The following SINHCAF variants were observed in gnomAD, a reference collection of about 807,000 sequenced individuals.
SINHCAF encodes the protein SIN3-HDAC complex associated factor.
SINHCAF carries 3 observed loss-of-function variants against 25.8 expected under a neutral mutation model. The observed-to-expected ratio is 0.12, with a 90% CI of 0.05 to 0.30. The LOEUF is 0.30. SINHCAF is among the 10% of genes least tolerant of loss of function. The pLI, the probability that SINHCAF is intolerant of heterozygous loss-of-function variation, is 1.00. For synonymous variants in SINHCAF, 70 were observed against 85.5 expected, an observed-to-expected ratio of 0.82 and a Z score of 1.00; for missense variants, 121 against 262.3, an observed-to-expected ratio of 0.46 and a Z score of 3.72.
chr12:31,289,043 G>C (rs1166715611), intron 4 of SINHCAF, among the ~76,000 whole-genome samples: 1 of 152,154 alleles, frequency 6.6e-6, no homozygotes, highest in African/African-American at 2.4e-5. Flanking sequence ...AACCACAGTG[G>C]ATGGGCTGAG....
At position 31,324,500 on chromosome 12, in the gene SINHCAF, A is replaced by G. The variant is rs567734385; in HGVS notation, c.-21+1524T>C. The stretch of plus-strand genomic sequence containing the variant: ...CCTACGCACCAGCATGGCACCTCGC[A>G]CAAGTAGCGCCGCCAAAGTTTCCCC... On this transcript the variant is annotated intron_variant, in intron 1 of 5. Transcript: ENST00000337682. The surrounding 1 kb of genome is among the most constrained non-coding windows in gnomAD (Gnocchi z 5.5). The G allele has an allele frequency of 3.6e-5, 6 of 165,820 alleles. No homozygotes were observed. The highest frequency in any genetic ancestry group is 2.9e-4 in the South Asian group (2 of 6,858). 10.3% of individuals were successfully genotyped at this position (165,820 alleles called of 1,614,324 possible). A position where few individuals can be genotyped will look rare whatever the true frequency, so the allele number is the denominator to read the frequency against.
rs763049760 is a variant in SINHCAF at position 31,287,622 on chromosome 12, T to C, written c.506+12A>G. The C allele has an allele frequency of 6.3e-7, 1 of 1,576,104 alleles. No homozygotes were observed. The highest frequency in any genetic ancestry group is 1.2e-5 in the South Asian group (1 of 85,714). On this transcript the variant is annotated intron_variant, in intron 5 of 5. Transcript: ENST00000337682. ...TGGTTTGCTGGTTAGAGAGATACTTTGTTTCTTTTACCTTTTCCAGTAAGT... is the reference window on the plus strand; with the variant it reads ...TGGTTTGCTGGTTAGAGAGATACTTCGTTTCTTTTACCTTTTCCAGTAAGT...
At chr12:31,291,153 A>C (rs1938295351) in intron 4 of SINHCAF, among the ~76,000 whole-genome samples, 2 of 152,202 alleles carry the variant, frequency 1.3e-5, no homozygotes, top group Admixed American at 1.3e-4. Flanking sequence ...CACTCCAGGA[A>C]CTGACTCAGC....
intron 1 of SINHCAF, among the ~76,000 whole-genome samples, chr12:31,323,036 T>A (rs1031588153): frequency 2.6e-5 from 4 of 152,170 alleles, no homozygotes; most frequent in African/African-American, 9.7e-5. Flanking sequence ...CGTTACCCTG[T>A]GTCATCTTCC....
intron 4 of SINHCAF, among the ~76,000 whole-genome samples, chr12:31,293,322 T>G (rs1264234365): frequency 2.6e-5 from 4 of 152,202 alleles, no homozygotes; most frequent in African/African-American, 9.6e-5. Context: ...CCTTTCTCAT[T>G]CTATCACACA....
rs1939857387 is a variant in SINHCAF at position 31,324,369 on chromosome 12, G to GA, written c.-21+1654dup. On this transcript the variant is annotated intron_variant, in intron 1 of 5. Transcript: ENST00000337682. This position sits in a 1 kb window ranked among gnomAD's most constrained non-coding sequence, Gnocchi z 5.5. Reference sequence around the variant, plus strand: ...CGAGCAGTCCGGGCCAAGCTCCCCGGAACCCTCGGCCGTCGCAACCCCCGA... The same window carrying GA: ...CGAGCAGTCCGGGCCAAGCTCCCCGGAAACCCTCGGCCGTCGCAACCCCCGA... 6.2e-6 allele frequency: 1 copy of GA among 161,572 alleles called. No homozygotes were observed. The highest frequency in any genetic ancestry group is 2.4e-5 in the African/African-American group (1 of 41,484). The allele number at this position is 161,572 out of a possible 1,614,324, so 10.0% of individuals were successfully genotyped here.
At chr12:31,311,865 G>T in intron 1 of SINHCAF, 1 of 489,024 alleles carries the variant, frequency 2.0e-6, no homozygotes, top group South Asian at 1.7e-5. Context: ...TGCTAAGTTT[G>T]ATCACTTGAT....
Position 31,294,597 on chromosome 12 carries a change from T to C in SINHCAF, c.228+637A>G, listed in dbSNP as rs192049786. 4.7e-4 allele frequency among the ~76,000 whole-genome samples: 72 copies of C among 152,284 alleles called. No homozygotes were observed. In the South Asian group the frequency reaches 5.4e-3, roughly 11 times the overall value. ...CTGTTTCTTAGGTATTCATTCACAT[T>C]TATTAGCTGCAGATTTCTACCCCAT... On this transcript the variant is annotated intron_variant, in intron 3 of 5. Transcript: ENST00000337682.
intron 1 of SINHCAF, among the ~76,000 whole-genome samples, chr12:31,309,498 A>G (rs911299816): frequency 6.6e-6 from 1 of 152,228 alleles, no homozygotes; most frequent in Non-Finnish European, 1.5e-5. Context: ...CTGGGACCAC[A>G]GCAGGTAAGA....
chr12:31,293,701 T>TA lies in SINHCAF; in HGVS notation c.355+103dup, dbSNP rs1938430965. 4.8e-5 allele frequency: 49 copies of TA among 1,019,666 alleles called. 1 individual carries two copies. The South Asian group carries it at 9.0e-4, about 19-fold the overall frequency. The allele number at this position is 1,019,666 out of a possible 1,614,324, so 63.2% of individuals were successfully genotyped here. A position where few individuals can be genotyped will look rare whatever the true frequency, so the allele number is the denominator to read the frequency against. Reference sequence around the variant, plus strand: ...CAACGTTGCCTTCCAGTGCTCTTTATAAAAAGCAATAAAGGAAAAAATGAT... The same window carrying TA: ...CAACGTTGCCTTCCAGTGCTCTTTATAAAAAAGCAATAAAGGAAAAAATGAT... On this transcript the variant is annotated intron_variant, in intron 4 of 5. Transcript: ENST00000337682.
intron 1 of SINHCAF, among the ~76,000 whole-genome samples, chr12:31,312,489 C>G (rs1422819406): frequency 6.6e-6 from 1 of 152,134 alleles, no homozygotes; most frequent in Non-Finnish European, 1.5e-5. Context: ...ACACTCATAC[C>G]ATCATTGTAT....
intron 1 of SINHCAF, among the ~76,000 whole-genome samples, chr12:31,318,971 T>G (rs1183331535): frequency 6.6e-6 from 1 of 152,200 alleles, no homozygotes; most frequent in Non-Finnish European, 1.5e-5. Flanking sequence ...TCCCAAGATA[T>G]ATACAACAAA....
chr12:31,286,132 AT>A (rs762527836), intron 5 of SINHCAF, among the ~76,000 whole-genome samples: 2 of 152,212 alleles, frequency 1.3e-5, no homozygotes, highest in Non-Finnish European at 2.9e-5. Context: ...CTGAATAGAA[AT>A]GGTGATAGTC....
intron 1 of SINHCAF, among the ~76,000 whole-genome samples, chr12:31,306,748 C>T (rs1939041566): frequency 6.6e-6 from 1 of 152,190 alleles, no homozygotes; most frequent in East Asian, 1.9e-4. Flanking sequence ...CATTTTTTTA[C>T]GGGTTGCCCT....
At chr12:31,306,120 GC>G (rs1939017033) in intron 1 of SINHCAF, among the ~76,000 whole-genome samples, 1 of 152,132 alleles carries the variant, frequency 6.6e-6, no homozygotes. Context: ...CACTACCATT[GC>G]CCATCAGCAG....
chr12:31,299,750 A>AC (rs1938709372), intron 1 of SINHCAF, among the ~76,000 whole-genome samples: 1 of 152,190 alleles, frequency 6.6e-6, no homozygotes, highest in South Asian at 2.1e-4. Context: ...TGTGTTGCTT[A>AC]ACAATGGGGA....
chr12:31,319,570 A>G (rs1317935372), intron 1 of SINHCAF, among the ~76,000 whole-genome samples: 1 of 152,230 alleles, frequency 6.6e-6, no homozygotes, highest in East Asian at 1.9e-4. Context: ...TAGTATCTGT[A>G]AAGCATCAAC....
chr12:31,297,407 G>A (rs540023016), intron 2 of SINHCAF, among the ~76,000 whole-genome samples: 1 of 151,278 alleles, frequency 6.6e-6, no homozygotes, highest in Non-Finnish European at 1.5e-5. Flanking sequence ...TGACCCACCT[G>A]CCTCAGCCTC....
chr12:31,308,230 G>A (rs959002249), intron 1 of SINHCAF, among the ~76,000 whole-genome samples: 2 of 152,136 alleles, frequency 1.3e-5, no homozygotes, highest in African/African-American at 4.8e-5. Context: ...GTGAACCACC[G>A]CGCCTGGCCT....
Sources: allele counts gnomAD v4.1 joint callset (sites outside exome capture counted in the v4.1 genomes callset), GRCh38; gene constraint gnomAD v4.1.1; non-coding constraint Gnocchi (gnomAD v3.1); transcripts MANE v1.5; gene names NCBI Gene and HGNC (gene_info 2026-07-23, HGNC 2026-07-21).